RASA2: variants seen among roughly 807,000 people sequenced by gnomAD.
The protein encoded by RASA2 is ras GTPase-activating protein 2.
A neutral mutation model predicts 118.2 loss-of-function variants in RASA2; 155 were observed. The observed-to-expected ratio is 1.31, with a 90% confidence interval of 1.15 to 1.50. The LOEUF (loss-of-function observed/expected upper bound fraction) is 1.50. RASA2 is among the 40% of genes most tolerant of loss of function. The pLI is 0.00. For missense variants in RASA2, 1,016 were observed against 1,009.6 expected, an observed-to-expected ratio of 1.01 and a Z score of -0.09; for synonymous variants, 353 against 349.1, an observed-to-expected ratio of 1.01 and a Z score of -0.12.
intron 18 of RASA2, 21 bp downstream of exon 18, chr3:141,586,119 G>C (rs377597440): frequency 6.4e-7 from 1 of 1,560,432 alleles, no homozygotes; most frequent in East Asian, 2.3e-5. Flanking sequence ...CAAATTAGAC[G>C]TGAAAGTCAT....
At chr3:141,584,330 CA>C (rs56396460) in intron 17 of RASA2, among the ~76,000 whole-genome samples, 12,994 of 61,342 alleles carry the variant, frequency 0.21, 354 homozygotes, top group Non-Finnish European at 0.29. Flanking sequence ...AACTCCATCC[CA>C]AAAAAAAAAA....
chr3:141,598,392 A>G (rs925648033), intron 19 of RASA2, among the ~76,000 whole-genome samples: 4 of 152,218 alleles, frequency 2.6e-5, no homozygotes, highest in Admixed American at 6.5e-5. Context: ...ATTTGACAAA[A>G]TTTAACACCT....
intron 5 of RASA2, among the ~76,000 whole-genome samples, chr3:141,551,918 T>C (rs1173547809): frequency 6.6e-6 from 1 of 152,204 alleles, no homozygotes; most frequent in East Asian, 1.9e-4. Context: ...ATTTGTTTTC[T>C]GCCCATCCAT....
Position 141,558,964 on chromosome 3 carries a change from T to TA in RASA2, c.761+3dup. ...GGACATTGAAAAGCTAGAAATCAGG[T>TA]ATGTGCCTTGGGGTTTTACAGAATT... On this transcript the variant is annotated splice_region_variant and intron_variant, in intron 8 of 23. Transcript: ENST00000286364. 1 of 1,597,072 alleles carries TA rather than the reference T, an allele frequency of 6.3e-7. No individual in the cohort carries two copies.
Position 141,555,760 on chromosome 3 carries a change from G to C in RASA2, c.612-80G>C, listed in dbSNP as rs946029813. On this transcript the variant is annotated intron_variant, in intron 6 of 23. Coordinates refer to ENST00000286364, the MANE Select transcript of RASA2 (RefSeq NM_006506.5). ...ACCTTAACTTTTAAATGGAGGTCAG[G>C]CTCCCTGGTTGGAAATAGCATGTTT... 6.6e-6 allele frequency: 8 copies of C among 1,205,258 alleles called. No individual in the cohort carries two copies. The African/African-American group carries it at 1.1e-4, about 16-fold the overall frequency. 74.7% of individuals were successfully genotyped at this position (1,205,258 alleles called of 1,614,324 possible).
At chr3:141,493,231 A>G (rs1398481694) in intron 1 of RASA2, among the ~76,000 whole-genome samples, 1 of 152,196 alleles carries the variant, frequency 6.6e-6, no homozygotes, top group African/African-American at 2.4e-5. Context: ...CTGTTTATAT[A>G]TTGAGAGGTG....
Position 141,599,412 on chromosome 3 carries a change from C to T in RASA2, c.1934-8266C>T, listed in dbSNP as rs139540475. On this transcript the variant is annotated intron_variant, in intron 19 of 23. Transcript: ENST00000286364. ...ACTAGACAAACAGGACACCCTCTCA[C>T]GTGCACAGATCTGCATAGAAAAGTA... Among the ~76,000 whole-genome samples the T allele has an allele frequency of 4.9e-3, 752 of 152,182 alleles. 2 individuals carry two copies. The highest frequency in any genetic ancestry group is 0.01 in the Middle Eastern group (3 of 294).
rs76188239 is a variant in RASA2, at chr3:141,560,047, G to C, written c.863+52G>C. The C allele has an allele frequency of 2.9e-3, 4,004 of 1,372,426 alleles. 102 individuals carry two copies. The African/African-American group carries it at 0.05, about 17-fold the overall frequency. 85.0% of individuals were successfully genotyped at this position (1,372,426 alleles called of 1,614,324 possible). A position where few individuals can be genotyped will look rare whatever the true frequency, so the allele number is the denominator to read the frequency against. On this transcript the variant is annotated intron_variant, in intron 9 of 23. Transcript: ENST00000286364. ...CCATAGTTTAATTCTCTTTAGTACAGTATATATATGCAAATAAATGCTTAC... is the reference window on the plus strand; with the variant it reads ...CCATAGTTTAATTCTCTTTAGTACACTATATATATGCAAATAAATGCTTAC...
At chr3:141,517,234 C>G (rs754990035) in intron 3 of RASA2, among the ~76,000 whole-genome samples, 1 of 152,170 alleles carries the variant, frequency 6.6e-6, no homozygotes, top group Non-Finnish European at 1.5e-5. Context: ...TCACTTTAAT[C>G]TATTTATACA....
Position 141,487,070 on chromosome 3 carries a change from G to T in RASA2, c.-14G>T. The T allele has an allele frequency of 7.7e-7, 1 of 1,300,796 alleles. No individual in the cohort carries two copies. Among genetic ancestry groups the T allele is most frequent in the South Asian group, 1.9e-5 (1 of 52,630 alleles). 80.6% of individuals were successfully genotyped at this position (1,300,796 alleles called of 1,614,324 possible). On this transcript the variant is annotated 5_prime_UTR_variant, in exon 1 of 24. Coordinates refer to ENST00000286364, the MANE Select transcript of RASA2 (RefSeq NM_006506.5). ...ACGCAGGCGGCAGGGCTGCGGCACGGGCCGGGCGGCACCATGGCGGCGGCG... is the reference window on the plus strand; with the variant it reads ...ACGCAGGCGGCAGGGCTGCGGCACGTGCCGGGCGGCACCATGGCGGCGGCG...
intron 9 of RASA2, among the ~76,000 whole-genome samples, chr3:141,564,433 T>C (rs1356036570): frequency 6.6e-6 from 1 of 152,158 alleles, no homozygotes; most frequent in African/African-American, 2.4e-5. Flanking sequence ...CTACTGTGCA[T>C]GGAAAACATT....
chr3:141,530,553 C>T (rs2082245320), intron 4 of RASA2, among the ~76,000 whole-genome samples: 1 of 151,964 alleles, frequency 6.6e-6, no homozygotes, highest in African/African-American at 2.4e-5. Flanking sequence ...GATTCTTCCT[C>T]TCCAAAAGAA....
chr3:141,559,688 T>C (rs2082701835), intron 8 of RASA2, among the ~76,000 whole-genome samples: 1 of 152,136 alleles, frequency 6.6e-6, no homozygotes, highest in African/African-American at 2.4e-5. Flanking sequence ...CTATTTAAAA[T>C]TACTTTCTGT....
intron 22 of RASA2, 132 bp from the exon 23 acceptor site, chr3:141,609,745 T>G (rs2083607177): frequency 1.2e-6 from 1 of 851,120 alleles, no homozygotes; most frequent in South Asian, 2.4e-5. Flanking sequence ...AATGTATATA[T>G]TTTAGTTATC....
intron 9 of RASA2, among the ~76,000 whole-genome samples, chr3:141,565,298 T>C (rs1299893890): frequency 6.6e-6 from 1 of 152,236 alleles, no homozygotes; most frequent in African/African-American, 2.4e-5. Flanking sequence ...AGGTTCACTT[T>C]AGATGTGCTG....
intron 2 of RASA2, among the ~76,000 whole-genome samples, chr3:141,515,294 G>T (rs1442583606): frequency 6.6e-6 from 1 of 152,028 alleles, no homozygotes; most frequent in Non-Finnish European, 1.5e-5. Flanking sequence ...AACATTGGCT[G>T]TTTTAGGTAT....
intron 5 of RASA2, among the ~76,000 whole-genome samples, chr3:141,547,016 G>A (rs1434130302): frequency 6.6e-6 from 1 of 152,038 alleles, no homozygotes; most frequent in Non-Finnish European, 1.5e-5. Flanking sequence ...GTAGATGTAC[G>A]GATTTGTTTC....
intron 19 of RASA2, among the ~76,000 whole-genome samples, chr3:141,597,315 C>CA (rs1473380791): frequency 6.6e-6 from 1 of 152,126 alleles, no homozygotes; most frequent in African/African-American, 2.4e-5. Flanking sequence ...GGATGAACCT[C>CA]AAAAAATTAC....
At chr3:141,562,681 C>CTT (rs201152518) in intron 9 of RASA2, among the ~76,000 whole-genome samples, 1 of 144,830 alleles carries the variant, frequency 6.9e-6, no homozygotes, top group Non-Finnish European at 1.5e-5. Flanking sequence ...TAACGTTAAA[C>CTT]TTTTTTTTTT....
Sources: gnomAD v4.1 joint callset for allele counts (sites outside exome capture counted in the v4.1 genomes callset) on GRCh38, gnomAD v4.1.1 for gene constraint, MANE v1.5 for transcripts, NCBI Gene and HGNC (gene_info 2026-07-23, HGNC 2026-07-21) for gene names.